TXN2: variants seen among roughly 807,000 people sequenced by gnomAD.
TXN2 encodes the protein thioredoxin, mitochondrial.
A neutral mutation model predicts 14.6 loss-of-function variants in TXN2; 12 were observed. The ratio of observed to expected loss-of-function variants is 0.82; its 90% CI spans 0.53 to 1.33. TXN2 has a LOEUF of 1.33. TXN2 is among the 40% of genes most tolerant of loss of function. The pLI is 0.00. For missense variants in TXN2, 173 were observed against 207.7 expected, an observed-to-expected ratio of 0.83 and a Z score of 1.03; for synonymous variants, 89 against 81.0, an observed-to-expected ratio of 1.10 and a Z score of -0.53.
intron 2 of TXN2, among the ~76,000 whole-genome samples, chr22:36,478,288 T>C (rs879268792): frequency 1.3e-5 from 2 of 152,106 alleles, no homozygotes; most frequent in African/African-American, 2.4e-5. Context: ...TGCTGTCATC[T>C]CTATGTATGT....
intron 2 of TXN2, among the ~76,000 whole-genome samples, chr22:36,479,587 C>T (rs778021870): frequency 6.6e-6 from 1 of 152,116 alleles, no homozygotes; most frequent in Non-Finnish European, 1.5e-5. Flanking sequence ...CTGCCTCGGC[C>T]TCTGAAAGTG....
intron 3 of TXN2, among the ~76,000 whole-genome samples, chr22:36,471,316 G>C (rs983330957): frequency 1.1e-4 from 17 of 152,290 alleles, no homozygotes; most frequent in Non-Finnish European, 2.5e-4. Flanking sequence ...CGGCAGGAGT[G>C]GGGGAGTGTG....
chr22:36,480,560 ACCC>A lies in TXN2; in HGVS notation c.263+12_263+14del. On this transcript the variant is annotated intron_variant, in intron 2 of 3. Coordinates refer to ENST00000216185, the MANE Select transcript of TXN2 (RefSeq NM_012473.4). The stretch of plus-strand genomic sequence containing the variant: ...CAAGTAGGACCCTAGTCTTCTGTGG[ACCC>A]CCAATACTCACTGTGCGTGGAAATC... The A allele has an allele frequency of 6.2e-7, 1 of 1,608,570 alleles. No individual in the cohort carries two copies. Among genetic ancestry groups the A allele is most frequent in the Non-Finnish European group, 8.5e-7 (1 of 1,177,148 alleles).
chr22:36,473,153 A>T (rs1247001813), intron 3 of TXN2, among the ~76,000 whole-genome samples: 1 of 152,120 alleles, frequency 6.6e-6, no homozygotes, highest in Admixed American at 6.5e-5. Context: ...CTAAAAATAC[A>T]AAAATTAGGC....
At chr22:36,470,028 T>G (rs1933241216) in intron 3 of TXN2, among the ~76,000 whole-genome samples, 1 of 152,134 alleles carries the variant, frequency 6.6e-6, no homozygotes, top group Admixed American at 6.6e-5. Context: ...CAAATTAAAC[T>G]ACAAAGTAAG....
intron 3 of TXN2, among the ~76,000 whole-genome samples, chr22:36,468,392 G>C (rs1195469769): frequency 2.0e-5 from 3 of 152,142 alleles, no homozygotes; most frequent in East Asian, 3.8e-4. Flanking sequence ...ATAAAATGGG[G>C]GTAATGTCTA....
intron 3 of TXN2, among the ~76,000 whole-genome samples, chr22:36,474,318 G>C (rs559183164): frequency 2.6e-4 from 40 of 152,272 alleles, no homozygotes; most frequent in South Asian, 1.5e-3. Context: ...CCCTGCTTCT[G>C]GTCATTGCAG....
intron 3 of TXN2, 111 bp downstream of exon 3, chr22:36,476,622 A>G: frequency 6.9e-7 from 1 of 1,455,262 alleles, no homozygotes; most frequent in Non-Finnish European, 9.2e-7. Flanking sequence ...AAACCAAGAC[A>G]CCTTGCTTAC....
intron 3 of TXN2, among the ~76,000 whole-genome samples, chr22:36,472,481 T>C (rs544795613): frequency 6.6e-6 from 1 of 152,200 alleles, no homozygotes; most frequent in African/African-American, 2.4e-5. Flanking sequence ...TTGTGACAAA[T>C]GGACCACCCT....
At chr22:36,468,564 A>AC (rs1568974945) in intron 3 of TXN2, 14 of 350,010 alleles carry the variant, frequency 4.0e-5, no homozygotes, top group Admixed American at 1.4e-4. Flanking sequence ...TGTTTACTAA[A>AC]CCCCCCCAAA....
chr22:36,481,336 G>A, intron 1 of TXN2: 1 of 154,792 alleles, frequency 6.5e-6, no homozygotes. Context: ...ATTCAAGGAG[G>A]AACTAAGAGT....
At chr22:36,472,829 T>A (rs1933309959) in intron 3 of TXN2, among the ~76,000 whole-genome samples, 1 of 152,086 alleles carries the variant, frequency 6.6e-6, no homozygotes, top group African/African-American at 2.4e-5. Flanking sequence ...GAGCGGCAGC[T>A]GAGACACGGC....
chr22:36,476,507 G>C (rs903480911), intron 3 of TXN2, among the ~76,000 whole-genome samples: 1 of 152,048 alleles, frequency 6.6e-6, no homozygotes, highest in Admixed American at 6.6e-5. Flanking sequence ...CAGGAGAATC[G>C]CGTGAACCCG....
chr22:36,474,419 C>G (rs1933345897), intron 3 of TXN2, among the ~76,000 whole-genome samples: 1 of 152,190 alleles, frequency 6.6e-6, no homozygotes, highest in Non-Finnish European at 1.5e-5. Flanking sequence ...CCACCCATTT[C>G]TTGCTGCAGG....
At chr22:36,474,073 G>A (rs947291111) in intron 3 of TXN2, among the ~76,000 whole-genome samples, 4 of 152,226 alleles carry the variant, frequency 2.6e-5, no homozygotes, top group African/African-American at 9.6e-5. Context: ...GAGGCCCTAG[G>A]AGCCCCAGCC....
At position 36,480,563 on chromosome 22, in the gene TXN2, C is replaced by T. The variant is rs530606314; in HGVS notation, c.263+12G>A. 1.2e-6 allele frequency: 2 copies of T among 1,611,390 alleles called. No individual in the cohort carries two copies. Among genetic ancestry groups the T allele is most frequent in the South Asian group, 1.1e-5 (1 of 90,780 alleles). On this transcript the variant is annotated intron_variant, in intron 2 of 3. Coordinates refer to ENST00000216185, the MANE Select transcript of TXN2 (RefSeq NM_012473.4). ...GTAGGACCCTAGTCTTCTGTGGACC[C>T]CCAATACTCACTGTGCGTGGAAATC...
At position 36,467,568 on chromosome 22, in the gene TXN2, G is replaced by A. The variant is rs1933185836; in HGVS notation, c.*236C>T. ...GAACTGCCATAGGCCCTAGAAGGAG[G>A]GATGAAAGGCGTATGGGAGGGAAGA... On this transcript the variant is annotated 3_prime_UTR_variant, in exon 4 of 4. Coordinates refer to ENST00000216185, the MANE Select transcript of TXN2 (RefSeq NM_012473.4). The A allele has an allele frequency of 2.0e-6, 1 of 507,068 alleles. No homozygotes were observed. The highest frequency in any genetic ancestry group is 3.6e-6 in the Non-Finnish European group (1 of 276,984). The allele number at this position is 507,068 out of a possible 1,614,324, so 31.4% of individuals were successfully genotyped here.
At chr22:36,476,664 C>T (rs755122052) in intron 3 of TXN2, 69 bp downstream of exon 3, 23 of 1,603,170 alleles carry the variant, frequency 1.4e-5, no homozygotes, top group Non-Finnish European at 2.0e-5. Context: ...ATACCTCCTA[C>T]ACCAGCTATC....
At chr22:36,473,658 G>T (rs942797254) in intron 3 of TXN2, among the ~76,000 whole-genome samples, 1 of 152,134 alleles carries the variant, frequency 6.6e-6, no homozygotes, top group African/African-American at 2.4e-5. Flanking sequence ...TAAACAACAC[G>T]GCTGAGACCA....
Sources: allele counts gnomAD v4.1 joint callset (sites outside exome capture counted in the v4.1 genomes callset), GRCh38; gene constraint gnomAD v4.1.1; transcripts MANE v1.5; gene names NCBI Gene and HGNC (gene_info 2026-07-23, HGNC 2026-07-21).